The following ZC3H8 variants were observed in gnomAD, a reference collection of about 807,000 sequenced individuals.
The protein encoded by ZC3H8 is zinc finger CCCH-type containing 8.
ZC3H8 carries 27 observed loss-of-function variants against 42.5 expected under a neutral mutation model. The ratio of observed to expected loss-of-function variants is 0.64; its 90% confidence interval spans 0.47 to 0.88. The LOEUF is 0.88. Ranked by LOEUF, ZC3H8 falls within the 40% of genes least tolerant of loss-of-function variation. The pLI is 0.00. For synonymous variants in ZC3H8, 101 were observed against 110.1 expected, an observed-to-expected ratio of 0.92 and a Z score of 0.52; for missense variants, 277 against 336.1, an observed-to-expected ratio of 0.82 and a Z score of 1.37.
intron 1 of ZC3H8, among the ~76,000 whole-genome samples, chr2:112,253,493 T>G (rs1388601523): frequency 6.6e-6 from 1 of 152,158 alleles, no homozygotes; most frequent in Non-Finnish European, 1.5e-5. Context: ...CTTTTTACAT[T>G]GAAAAATAAT....
At chr2:112,252,577 G>A (rs887659100) in intron 1 of ZC3H8, among the ~76,000 whole-genome samples, 2 of 151,930 alleles carry the variant, frequency 1.3e-5, no homozygotes, top group Admixed American at 6.6e-5. Flanking sequence ...TCCTTATTTC[G>A]GCACCTACCA....
At chr2:112,221,170 T>C (rs1370009626) in intron 8 of ZC3H8, among the ~76,000 whole-genome samples, 1 of 152,226 alleles carries the variant, frequency 6.6e-6, no homozygotes, top group African/African-American at 2.4e-5. Context: ...GGTTTGAATC[T>C]GTGTCCCTGC....
At chr2:112,231,984 C>CA (rs762341678) in intron 6 of ZC3H8, 37 bp from the exon 7 acceptor site, 4 of 1,217,650 alleles carry the variant, frequency 3.3e-6, no homozygotes, top group Non-Finnish European at 4.7e-6. Context: ...AATTTTAATC[C>CA]AATTGAAATA....
chr2:112,216,499 T>A (rs1227592274), intron 8 of ZC3H8, 31 bp from the exon 9 acceptor site: 3 of 152,202 alleles, frequency 2.0e-5, no homozygotes, highest in African/African-American at 7.2e-5. Context: ...CAAAAACACA[T>A]CAGCTCATGA....
Position 112,230,907 on chromosome 2 carries a change from T to G in ZC3H8, c.*11A>C. 1 of 1,288,358 alleles carries G rather than the reference T, an allele frequency of 7.8e-7. No individual in the cohort carries two copies. Among genetic ancestry groups the G allele is most frequent in the East Asian group, 3.7e-5 (1 of 26,956 alleles). 79.8% of individuals were successfully genotyped at this position (1,288,358 alleles called of 1,614,324 possible). On this transcript the variant is annotated 3_prime_UTR_variant, in exon 8 of 9. Transcript: ENST00000409573. ...TGTGGTAAATTCTAATTTTACCTTT[T>G]TATGTCTATTTTATTTACATGACTT... is the stretch of plus-strand genomic sequence containing the variant.
intron 8 of ZC3H8, among the ~76,000 whole-genome samples, chr2:112,219,893 T>G (rs1162331797): frequency 6.6e-6 from 1 of 152,220 alleles, no homozygotes. Context: ...TATTGTGTGG[T>G]TATTTAAGTC....
chr2:112,238,300 T>C lies in ZC3H8; in HGVS notation c.370+15A>G, dbSNP rs922085027. The C allele has an allele frequency of 7.5e-6, 12 of 1,607,618 alleles. No homozygotes were observed. Among genetic ancestry groups the C allele is most frequent in the East Asian group, 2.2e-5 (1 of 44,852 alleles). On this transcript the variant is annotated intron_variant, in intron 3 of 8. Coordinates refer to ENST00000409573, the MANE Select transcript of ZC3H8 (RefSeq NM_032494.3). Reference sequence around the variant, plus strand: ...TCTAGATAAACTTTAAATGATAAAATAGTTTGACTCTTACCCTGTGGGGTA... The same window carrying C: ...TCTAGATAAACTTTAAATGATAAAACAGTTTGACTCTTACCCTGTGGGGTA...
At chr2:112,238,188 T>TA in intron 3 of ZC3H8, 127 bp downstream of exon 3, 1 of 985,530 alleles carries the variant, frequency 1.0e-6, no homozygotes, top group Non-Finnish European at 1.5e-6. Context: ...ATGTCTGGTA[T>TA]AAATATTCAT....
chr2:112,254,836 A>C, intron 1 of ZC3H8, 72 bp downstream of exon 1: 1 of 1,531,024 alleles, frequency 6.5e-7, no homozygotes, highest in South Asian at 1.2e-5. Flanking sequence ...GACTGCCTCC[A>C]ATCCAGAAGA....
intron 8 of ZC3H8, among the ~76,000 whole-genome samples, chr2:112,221,685 T>A (rs71414633): frequency 1.1e-3 from 162 of 152,218 alleles, no homozygotes; most frequent in Non-Finnish European, 2.0e-3. Flanking sequence ...ACTGTGAAAT[T>A]CTTCTAGTGT....
At chr2:112,221,417 A>T (rs1173939742) in intron 8 of ZC3H8, among the ~76,000 whole-genome samples, 1 of 152,118 alleles carries the variant, frequency 6.6e-6, no homozygotes, top group Non-Finnish European at 1.5e-5. Flanking sequence ...GTCTGTAAGT[A>T]AGTTTCCTGA....
chr2:112,251,879 G>T (rs1252393471), intron 1 of ZC3H8, among the ~76,000 whole-genome samples: 1 of 152,200 alleles, frequency 6.6e-6, no homozygotes, highest in Non-Finnish European at 1.5e-5. Flanking sequence ...ATAGGACAGA[G>T]GTGACCACCT....
intron 4 of ZC3H8, among the ~76,000 whole-genome samples, chr2:112,234,735 G>A (rs1371707238): frequency 6.6e-6 from 1 of 152,020 alleles, no homozygotes; most frequent in African/African-American, 2.4e-5. Context: ...AGGAGGCAGA[G>A]GTTGCAGTGA....
chr2:112,228,864 A>G (rs1684965807), intron 8 of ZC3H8, among the ~76,000 whole-genome samples: 1 of 152,212 alleles, frequency 6.6e-6, no homozygotes, highest in African/African-American at 2.4e-5. Context: ...ACATACGTAA[A>G]GAACTCCTAA....
chr2:112,244,521 C>T (rs1685692199), intron 2 of ZC3H8, among the ~76,000 whole-genome samples: 1 of 152,100 alleles, frequency 6.6e-6, no homozygotes, highest in South Asian at 2.1e-4. Context: ...TATAGGCATA[C>T]CTTATTTGAT....
chr2:112,253,766 T>C (rs1279520732), intron 1 of ZC3H8, among the ~76,000 whole-genome samples: 1 of 152,102 alleles, frequency 6.6e-6, no homozygotes, highest in Non-Finnish European at 1.5e-5. Context: ...TGCTATTATC[T>C]TTTTTTTGTG....
At chr2:112,225,557 C>A (rs1479175092) in intron 8 of ZC3H8, among the ~76,000 whole-genome samples, 2 of 152,256 alleles carry the variant, frequency 1.3e-5, no homozygotes, top group Admixed American at 6.5e-5. Context: ...TGGCTCATGC[C>A]TGTAATCCCA....
chr2:112,218,033 C>A (rs1037204846), intron 8 of ZC3H8, among the ~76,000 whole-genome samples: 3 of 152,142 alleles, frequency 2.0e-5, no homozygotes, highest in African/African-American at 7.2e-5. Flanking sequence ...GCATTACAGG[C>A]TCATACCAGC....
At chr2:112,253,428 T>C (rs892180883) in intron 1 of ZC3H8, among the ~76,000 whole-genome samples, 17 of 152,128 alleles carry the variant, frequency 1.1e-4, no homozygotes, top group Non-Finnish European at 2.5e-4. Flanking sequence ...AGAAACCATA[T>C]GAGAAAAGAC....
Sources: allele counts gnomAD v4.1 joint callset (sites outside exome capture counted in the v4.1 genomes callset), GRCh38; gene constraint gnomAD v4.1.1; transcripts MANE v1.5; gene names NCBI Gene and HGNC (gene_info 2026-07-23, HGNC 2026-07-21).